The following PTPRD variants were observed in gnomAD, a reference collection of about 807,000 sequenced individuals.
The protein encoded by PTPRD is receptor-type tyrosine-protein phosphatase delta.
A neutral mutation model predicts 214.5 loss-of-function variants in PTPRD; 34 were observed. The observed-to-expected ratio is 0.16, with a 90% CI of 0.12 to 0.21. The LOEUF is 0.21. Ranked by LOEUF, PTPRD falls within the 10% of genes least tolerant of loss-of-function variation. The pLI is 1.00. For missense variants in PTPRD, 2,545 were observed against 2,398.7 expected, an observed-to-expected ratio of 1.06 and a Z score of -1.27; for synonymous variants, 1,128 against 845.7, an observed-to-expected ratio of 1.33 and a Z score of -5.79.
intron 7 of PTPRD, among the ~76,000 whole-genome samples, chr9:9,636,905 GC>G (rs1303059000): frequency 1.3e-5 from 2 of 152,122 alleles, no homozygotes; most frequent in African/African-American, 4.8e-5. Flanking sequence ...GGTAAGGGGG[GC>G]GAGTCTCTGC....
intron 3 of PTPRD, among the ~76,000 whole-genome samples, chr9:10,266,282 G>GA (rs202049129): frequency 5.7e-4 from 84 of 148,024 alleles, no homozygotes; most frequent in East Asian, 3.1e-3. Context: ...CCTTGAAAAT[G>GA]AAAAAAAAAA....
At chr9:10,095,495 C>A (rs967795217) in intron 3 of PTPRD, among the ~76,000 whole-genome samples, 1 of 151,498 alleles carries the variant, frequency 6.6e-6, no homozygotes, top group Non-Finnish European at 1.5e-5. Flanking sequence ...CTTATCCCTT[C>A]TGATTACTCA....
At chr9:8,776,221 C>T (rs1345751362) in intron 11 of PTPRD, among the ~76,000 whole-genome samples, 2 of 152,160 alleles carry the variant, frequency 1.3e-5, no homozygotes, top group Non-Finnish European at 2.9e-5. Context: ...CTGCACAAGG[C>T]ATACAACTAT....
chr9:10,173,252 A>G (rs2099222824), intron 3 of PTPRD, among the ~76,000 whole-genome samples: 2 of 152,216 alleles, frequency 1.3e-5, no homozygotes, highest in African/African-American at 4.8e-5. Context: ...TGTTAGGTAT[A>G]AAAACTTTAA....
chr9:9,087,058 G>C (rs2099768094), intron 10 of PTPRD, among the ~76,000 whole-genome samples: 1 of 152,156 alleles, frequency 6.6e-6, no homozygotes, highest in South Asian at 2.1e-4. Context: ...CTTGCTCCTA[G>C]AAAAGCAAAT....
intron 8 of PTPRD, among the ~76,000 whole-genome samples, chr9:9,453,762 A>T (rs1040383056): frequency 2.0e-5 from 3 of 151,730 alleles, no homozygotes; most frequent in African/African-American, 7.2e-5. Flanking sequence ...TTAAGGGAAA[A>T]GGAGGTTTCA....
intron 7 of PTPRD, among the ~76,000 whole-genome samples, chr9:9,581,234 T>C (rs2090671639): frequency 6.6e-6 from 1 of 152,128 alleles, no homozygotes; most frequent in Non-Finnish European, 1.5e-5. Context: ...AAATGCTAAA[T>C]TGAACTTATG....
intron 8 of PTPRD, among the ~76,000 whole-genome samples, chr9:9,446,740 G>C (rs146138114): frequency 6.6e-6 from 1 of 152,066 alleles, no homozygotes. Context: ...CTACATAATA[G>C]AAGTGAATGT....
chr9:10,508,429 A>T (rs2046820740), intron 2 of PTPRD, among the ~76,000 whole-genome samples: 1 of 152,230 alleles, frequency 6.6e-6, no homozygotes, highest in Admixed American at 6.5e-5. Flanking sequence ...CACTGGACCC[A>T]GCCATCCCAT....
At chr9:8,913,865 T>A (rs1465110850) in intron 11 of PTPRD, among the ~76,000 whole-genome samples, 2 of 152,180 alleles carry the variant, frequency 1.3e-5, no homozygotes, top group Non-Finnish European at 2.9e-5. Flanking sequence ...GATTAAATCC[T>A]GGACCATCTA....
At chr9:8,657,968 A>C (rs2096947802) in intron 12 of PTPRD, among the ~76,000 whole-genome samples, 2 of 152,176 alleles carry the variant, frequency 1.3e-5, no homozygotes, top group Non-Finnish European at 2.9e-5. Flanking sequence ...TGGATTTCAC[A>C]AATTTATTTG....
In PTPRD at chr9:8,479,324, C is replaced by G. The variant is rs150993521; in HGVS notation, c.3413+4795G>C. Among the ~76,000 whole-genome samples the G allele has an allele frequency of 3.2e-3, 483 of 152,238 alleles. 4 individuals are homozygous for G. Among genetic ancestry groups the G allele is most frequent in the African/African-American group, 0.011 (457 of 41,554 alleles). ...ATACTTTTCTCACTCAAGTACTTTC[C>G]TGATTTAGTCTTTCACTCATTTCTT... On this transcript the variant is annotated intron_variant, in intron 30 of 45. Coordinates refer to ENST00000381196, the MANE Select transcript of PTPRD (RefSeq NM_002839.4).
At chr9:10,589,248 G>T (rs1032494007) in intron 2 of PTPRD, among the ~76,000 whole-genome samples, 9 of 152,034 alleles carry the variant, frequency 5.9e-5, no homozygotes, top group South Asian at 2.1e-4. Context: ...GAGAAACCTT[G>T]TTATCAAGAG....
chr9:9,072,632 A>T (rs1231488014), intron 10 of PTPRD, among the ~76,000 whole-genome samples: 4 of 152,178 alleles, frequency 2.6e-5, no homozygotes, highest in Non-Finnish European at 1.5e-5. Flanking sequence ...TATTCTACAT[A>T]GTCAGTATCT....
intron 2 of PTPRD, among the ~76,000 whole-genome samples, chr9:10,501,904 A>G (rs969233079): frequency 1.3e-5 from 2 of 151,974 alleles, no homozygotes; most frequent in African/African-American, 4.8e-5. Context: ...ACCCTTGTCT[A>G]CGATCCTATC....
chr9:9,349,982 A>G (rs1318661677), intron 9 of PTPRD, among the ~76,000 whole-genome samples: 1 of 152,164 alleles, frequency 6.6e-6, no homozygotes, highest in African/African-American at 2.4e-5. Flanking sequence ...ATCAGCATAG[A>G]TGTAACCTTG....
At chr9:8,481,344 AT>A (rs1331961754) in intron 30 of PTPRD, among the ~76,000 whole-genome samples, 1 of 152,100 alleles carries the variant, frequency 6.6e-6, no homozygotes, top group Non-Finnish European at 1.5e-5. Context: ...CAATTATTTT[AT>A]CAAATAAACA....
chr9:8,679,904 A>C (rs2097518133), intron 12 of PTPRD, among the ~76,000 whole-genome samples: 1 of 152,216 alleles, frequency 6.6e-6, no homozygotes, highest in Non-Finnish European at 1.5e-5. Context: ...AAATGTACTA[A>C]TTCTAATTAC....
intron 2 of PTPRD, among the ~76,000 whole-genome samples, chr9:10,485,841 G>C (rs1334008619): frequency 3.3e-5 from 5 of 151,928 alleles, no homozygotes; most frequent in Non-Finnish European, 7.4e-5. Flanking sequence ...GCATACAATT[G>C]AAATAGATTG....
Sources: allele counts gnomAD v4.1 joint callset (sites outside exome capture counted in the v4.1 genomes callset), GRCh38; gene constraint gnomAD v4.1.1; transcripts MANE v1.5; gene names NCBI Gene and HGNC (gene_info 2026-07-23, HGNC 2026-07-21).